ARPC2: variants seen among roughly 807,000 people sequenced by gnomAD.
ARPC2 encodes actin related protein 2/3 complex subunit 2.
A neutral mutation model predicts 38.6 loss-of-function variants in ARPC2; 4 were observed. The ratio of observed to expected loss-of-function variants is 0.10; its 90% CI spans 0.05 to 0.24. The LOEUF (loss-of-function observed/expected upper bound fraction) is 0.24, where lower values mean the gene tolerates loss of function less well. Ranked by LOEUF, ARPC2 falls within the 10% of genes least tolerant of loss-of-function variation. The probability of loss-of-function intolerance (pLI) is 1.00; values close to 1 mark genes in which losing one functional copy is unlikely to be tolerated. For missense variants in ARPC2, 229 were observed against 387.3 expected (o/e 0.59, Z 3.43); for synonymous variants, 125 against 140.8 (o/e 0.89, Z 0.79).
intron 7 of ARPC2, among the ~76,000 whole-genome samples, chr2:218,245,133 G>A (rs1690000848): frequency 6.6e-6 from 1 of 152,188 alleles, no homozygotes; most frequent in African/African-American, 2.4e-5. Context: ...AGAAAGTATG[G>A]TAGTTTATCA....
intron 5 of ARPC2, chr2:218,234,910 TG>T (rs931688177): frequency 8.8e-6 from 4 of 456,458 alleles, no homozygotes; most frequent in African/African-American, 8.0e-5. Context: ...GTGTCATCCT[TG>T]AATAGAACAG....
chr2:218,217,948 A>C (rs1689293999), intron 2 of ARPC2, among the ~76,000 whole-genome samples: 1 of 152,122 alleles, frequency 6.6e-6, no homozygotes, highest in Non-Finnish European at 1.5e-5. Flanking sequence ...GGTTGGAAGG[A>C]GTTTTCAGGA....
chr2:218,220,951 CAAAT>C (rs1286562803), intron 2 of ARPC2, among the ~76,000 whole-genome samples: 2 of 152,170 alleles, frequency 1.3e-5, no homozygotes, highest in African/African-American at 2.4e-5. Context: ...CCCAACACTG[CAAAT>C]AACCTCATGC....
intron 4 of ARPC2, among the ~76,000 whole-genome samples, chr2:218,230,799 C>T (rs1439729687): frequency 6.6e-6 from 1 of 151,970 alleles, no homozygotes; most frequent in Non-Finnish European, 1.5e-5. Flanking sequence ...GGGAGAGTTG[C>T]TGGAGCCCAG....
At chr2:218,217,809 C>T (rs1211502256) in intron 2 of ARPC2, among the ~76,000 whole-genome samples, 1 of 152,162 alleles carries the variant, frequency 6.6e-6, no homozygotes, top group East Asian at 1.9e-4. Context: ...ACCTGTGGGA[C>T]GTGGGGGACC....
chr2:218,245,104 G>A (rs1690000360), intron 7 of ARPC2, among the ~76,000 whole-genome samples: 1 of 152,166 alleles, frequency 6.6e-6, no homozygotes, highest in African/African-American at 2.4e-5. Context: ...AAAGACTCAT[G>A]CAAAGTCCCA....
intron 6 of ARPC2, 70 bp downstream of exon 6, chr2:218,238,920 T>TATGG: frequency 8.0e-7 from 1 of 1,257,210 alleles, no homozygotes; most frequent in South Asian, 1.4e-5. Context: ...CTGAAAGAAA[T>TATGG]ATGGCTTGGT....
chr2:218,217,609 G>T, intron 2 of ARPC2, 65 bp downstream of exon 2: 1 of 1,456,230 alleles, frequency 6.9e-7, no homozygotes, highest in Non-Finnish European at 9.5e-7. Flanking sequence ...AATCCCCAAT[G>T]TTGTCCAGTC....
At chr2:218,222,952 A>G (rs1021525866) in intron 2 of ARPC2, among the ~76,000 whole-genome samples, 16 of 152,166 alleles carry the variant, frequency 1.1e-4, no homozygotes, top group African/African-American at 3.6e-4. Flanking sequence ...TTGTATTTGT[A>G]TGGCACATTT....
At chr2:218,239,127 T>TC (rs764622117) in intron 6 of ARPC2, 1 of 567,924 alleles carries the variant, frequency 1.8e-6, no homozygotes, top group Non-Finnish European at 3.1e-6. Context: ...GCCTGGATAA[T>TC]CAGCAGGCAG....
At chr2:218,222,042 C>T (rs765482416) in intron 2 of ARPC2, among the ~76,000 whole-genome samples, 14 of 152,176 alleles carry the variant, frequency 9.2e-5, no homozygotes, top group South Asian at 2.1e-4. Flanking sequence ...CCAAGGAGGG[C>T]GGATCACTTG....
chr2:218,230,106 G>T (rs1574580313), intron 4 of ARPC2, among the ~76,000 whole-genome samples: 1 of 151,638 alleles, frequency 6.6e-6, no homozygotes, highest in African/African-American at 2.4e-5. Flanking sequence ...GAGTAGCTGG[G>T]ATTACAGGCA....
chr2:218,222,665 A>G (rs538270834), intron 2 of ARPC2, among the ~76,000 whole-genome samples: 212 of 152,266 alleles, frequency 1.4e-3, no homozygotes, highest in Non-Finnish European at 2.3e-3. Flanking sequence ...TCCCAACCAC[A>G]GCTTCAGAGT....
chr2:218,254,125 GA>G lies in ARPC2; in HGVS notation c.*212del. The stretch of plus-strand genomic sequence containing the variant: ...CCAAGAATTAAAAAAAAAAAAAAAA[GA>G]ATTCCACTTGATCAACTTAATTCCT... On this transcript the variant is annotated 3_prime_UTR_variant, in exon 11 of 11. Coordinates refer to ENST00000315717, the MANE Select transcript of ARPC2 (RefSeq NM_152862.3). 1 of 496,690 alleles carries G rather than the reference GA, an allele frequency of 2.0e-6. No homozygotes were observed. Among genetic ancestry groups the G allele is most frequent in the Non-Finnish European group, 3.5e-6 (1 of 287,034 alleles). 30.8% of individuals were successfully genotyped at this position (496,690 alleles called of 1,614,324 possible).
In ARPC2 at chr2:218,253,938, C is replaced by A. The variant is rs773762403; in HGVS notation, c.*23C>A. 2 of 1,613,700 alleles carry A rather than the reference C, an allele frequency of 1.2e-6. No individual in the cohort carries two copies. The highest frequency in any genetic ancestry group is 2.2e-5 in the East Asian group (1 of 44,868). ...TAATCTTGGGAATAAGAGGAGGAAG[C>A]GGCTGGCAACTGAAGGCTGGAACAC... On this transcript the variant is annotated 3_prime_UTR_variant, in exon 11 of 11. Coordinates refer to ENST00000315717, the MANE Select transcript of ARPC2 (RefSeq NM_152862.3).
At chr2:218,235,872 T>A (rs1689756767) in intron 5 of ARPC2, 1 of 152,146 alleles carries the variant, frequency 6.6e-6, no homozygotes, top group Non-Finnish European at 1.5e-5. Context: ...GTGAATTGCT[T>A]GAGCTCAGAA....
intron 2 of ARPC2, among the ~76,000 whole-genome samples, chr2:218,223,672 C>T (rs547683610): frequency 1.3e-5 from 2 of 152,218 alleles, no homozygotes; most frequent in African/African-American, 4.8e-5. Flanking sequence ...ACCTGAGGCC[C>T]GGTGACATTT....
intron 8 of ARPC2, among the ~76,000 whole-genome samples, 162 bp from the exon 9 acceptor site, chr2:218,249,201 TA>T (rs976848551): frequency 3.9e-5 from 6 of 152,186 alleles, no homozygotes; most frequent in Admixed American, 1.3e-4. Flanking sequence ...CCATGCTGTT[TA>T]ACTTCCATGT....
At chr2:218,241,947 T>G (rs1286381375) in intron 7 of ARPC2, among the ~76,000 whole-genome samples, 1 of 152,168 alleles carries the variant, frequency 6.6e-6, no homozygotes. Flanking sequence ...TAAATAGAAC[T>G]TTTTCCTAGG....
Sources: gnomAD v4.1 joint callset for allele counts (sites outside exome capture counted in the v4.1 genomes callset) on GRCh38, gnomAD v4.1.1 for gene constraint, MANE v1.5 for transcripts, NCBI Gene and HGNC (gene_info 2026-07-23, HGNC 2026-07-21) for gene names.